The following INSL6 variants were observed in gnomAD, a reference collection of about 807,000 sequenced individuals.
INSL6 encodes insulin like 6.
In INSL6, 16 loss-of-function variants were observed where a neutral mutation model predicts 9.4. The observed-to-expected ratio is 1.70, with a 90% CI of 1.15 to 2.59. The LOEUF (loss-of-function observed/expected upper bound fraction) is 2.59, where lower values mean the gene tolerates loss of function less well. Among genes scored for constraint, INSL6 ranks in the 30% most tolerant of loss-of-function variants. The pLI is 0.00. For missense variants in INSL6, 391 were observed against 257.3 expected (o/e 1.52, Z -3.56); for synonymous variants, 154 against 96.9 (o/e 1.59, Z -3.46).
chr9:5,041,077 A>T, the INSL6 span: 1 of 695,914 alleles, frequency 1.4e-6, no homozygotes, highest in Non-Finnish European at 2.6e-6. Flanking sequence ...CAGGTCTACT[A>T]CCTACTACAG....
chr9:5,073,324 A>G, the INSL6 span, among the ~76,000 whole-genome samples: 6 of 152,192 alleles, frequency 3.9e-5, no homozygotes, highest in African/African-American at 1.4e-4. Context: ...ATTCTTTAGC[A>G]AGTGTTATTT....
At chr9:5,086,439 G>C in the INSL6 span, among the ~76,000 whole-genome samples, 1 of 152,132 alleles carries the variant, frequency 6.6e-6, no homozygotes, top group African/African-American at 2.4e-5. Context: ...GAAATTATCA[G>C]CATCATTCTC....
the INSL6 span, chr9:5,110,049 TGAGA>T: frequency 2.6e-5 from 4 of 152,188 alleles, no homozygotes; most frequent in African/African-American, 9.7e-5. Flanking sequence ...CTCCAACACA[TGAGA>T]GATTCAACAA....
At chr9:5,113,091 C>G in the INSL6 span, among the ~76,000 whole-genome samples, 1 of 151,876 alleles carries the variant, frequency 6.6e-6, no homozygotes, top group African/African-American at 2.4e-5. Flanking sequence ...TCACTGCCCT[C>G]GCTCCCCCTG....
chr9:5,162,224 AT>A (rs747416282), downstream of INSL6, among the ~76,000 whole-genome samples: 15 of 150,360 alleles, frequency 1.0e-4, no homozygotes, highest in Non-Finnish European at 1.9e-4. Flanking sequence ...GGTATCTCAG[AT>A]TTTTTTTTTC....
At chr9:5,104,344 C>A in the INSL6 span, among the ~76,000 whole-genome samples, 1 of 152,142 alleles carries the variant, frequency 6.6e-6, no homozygotes, top group Non-Finnish European at 1.5e-5. Context: ...GACACATACA[C>A]CCTCCCAAGA....
the INSL6 span, among the ~76,000 whole-genome samples, chr9:5,021,369 G>T: frequency 6.6e-6 from 1 of 152,128 alleles, no homozygotes. Flanking sequence ...TTCTTCTGTT[G>T]TCTGTAACTG....
chr9:5,100,207 G>A, the INSL6 span: 4 of 152,122 alleles, frequency 2.6e-5, no homozygotes, highest in Admixed American at 1.3e-4. Flanking sequence ...CACACTACTA[G>A]TAAGCCTTTA....
At chr9:5,170,652 G>C (rs1690980132) in intron 1 of INSL6, among the ~76,000 whole-genome samples, 1 of 149,904 alleles carries the variant, frequency 6.7e-6, no homozygotes, top group African/African-American at 2.5e-5. Context: ...AAAGGATAAA[G>C]GGGATATCAC....
the INSL6 span, among the ~76,000 whole-genome samples, chr9:5,047,641 GT>G: frequency 6.6e-6 from 1 of 152,070 alleles, no homozygotes; most frequent in Admixed American, 6.6e-5. Flanking sequence ...ATGAGAAAAG[GT>G]TTTCTTTCTT....
the INSL6 span, among the ~76,000 whole-genome samples, chr9:5,117,811 T>G: frequency 6.6e-6 from 1 of 152,176 alleles, no homozygotes; most frequent in Non-Finnish European, 1.5e-5. Context: ...TCAAAAGCTT[T>G]GAGAACTACT....
chr9:5,010,167 C>T, the INSL6 span, among the ~76,000 whole-genome samples: 1 of 152,172 alleles, frequency 6.6e-6, no homozygotes, highest in East Asian at 1.9e-4. Context: ...TTCTGATTTG[C>T]TGATAGCACC....
the INSL6 span, among the ~76,000 whole-genome samples, chr9:4,996,498 A>G: frequency 7.9e-5 from 12 of 152,036 alleles, no homozygotes; most frequent in Admixed American, 7.2e-4. Flanking sequence ...ATAGAAGTAT[A>G]CTATTCTGAT....
chr9:5,032,525 C>G, the INSL6 span, among the ~76,000 whole-genome samples: 1 of 152,194 alleles, frequency 6.6e-6, no homozygotes, highest in Non-Finnish European at 1.5e-5. Flanking sequence ...CCTCACATGG[C>G]CGGGTACTCC....
the INSL6 span, among the ~76,000 whole-genome samples, chr9:5,056,657 A>G: frequency 2.6e-5 from 4 of 152,118 alleles, no homozygotes; most frequent in Admixed American, 2.6e-4. Context: ...CTTGCACAGT[A>G]CTCAGGGCCT....
downstream of INSL6, among the ~76,000 whole-genome samples, chr9:5,120,039 G>C (rs1273412898): frequency 6.6e-6 from 1 of 152,096 alleles, no homozygotes; most frequent in Non-Finnish European, 1.5e-5. Flanking sequence ...AATTTATAAA[G>C]AACAGAAATT....
chr9:5,072,060 C>T, the INSL6 span, among the ~76,000 whole-genome samples: 2 of 152,132 alleles, frequency 1.3e-5, no homozygotes, highest in Admixed American at 1.3e-4. Context: ...ACGACAGCTG[C>T]AGCACAGAGA....
the INSL6 span, chr9:5,022,273 C>G: frequency 8.9e-7 from 1 of 1,125,640 alleles, no homozygotes. Flanking sequence ...TTATGCTATG[C>G]TAATACTAGG....
chr9:5,148,539 G>A (rs901526112), intron 2 of INSL6, among the ~76,000 whole-genome samples: 1 of 152,168 alleles, frequency 6.6e-6, no homozygotes, highest in Admixed American at 6.5e-5. Flanking sequence ...CCCTTGGGGA[G>A]AGGCCAGTTA....
Sources: gnomAD v4.1 joint callset for allele counts (sites outside exome capture counted in the v4.1 genomes callset) on GRCh38, gnomAD v4.1.1 for gene constraint, MANE v1.5 for transcripts, NCBI Gene and HGNC (gene_info 2026-07-23, HGNC 2026-07-21) for gene names.